SCHIP1: variants seen among roughly 807,000 people sequenced by gnomAD.
SCHIP1 encodes schwannomin-interacting protein 1.
A neutral mutation model predicts 29.7 loss-of-function variants in SCHIP1; 8 were observed. The observed-to-expected ratio is 0.27, with a 90% CI of 0.16 to 0.49. SCHIP1 has a LOEUF of 0.49. Among genes scored for constraint, SCHIP1 ranks in the 20% least tolerant of loss-of-function variants. The pLI, the probability that SCHIP1 is intolerant of heterozygous loss-of-function variation, is 0.99. For synonymous variants in SCHIP1, 76 were observed against 94.9 expected (o/e 0.80, Z 1.16); for missense variants, 193 against 294.6 (o/e 0.66, Z 2.52).
At chr3:159,800,650 T>C in the SCHIP1 span, among the ~76,000 whole-genome samples, 3 of 149,846 alleles carry the variant, frequency 2.0e-5, no homozygotes, top group Non-Finnish European at 3.0e-5. Flanking sequence ...CCTAGTGACA[T>C]AAGGAAAAGC....
At chr3:159,588,311 A>G in the SCHIP1 span, among the ~76,000 whole-genome samples, 30,953 of 151,622 alleles carry the variant, frequency 0.2, 8,582 homozygotes, top group African/African-American at 0.63. Flanking sequence ...CTTTTGAATG[A>G]GGTTGTTTTT....
chr3:159,485,223 C>G, the SCHIP1 span, among the ~76,000 whole-genome samples: 1 of 152,160 alleles, frequency 6.6e-6, no homozygotes. Context: ...GAGGATGAGA[C>G]AAGCTCAGGA....
At chr3:159,465,140 C>G in the SCHIP1 span, among the ~76,000 whole-genome samples, 1 of 152,086 alleles carries the variant, frequency 6.6e-6, no homozygotes, top group African/African-American at 2.4e-5. Flanking sequence ...CAAATTTTTG[C>G]TCACTGTCAG....
chr3:159,588,527 G>T, the SCHIP1 span, among the ~76,000 whole-genome samples: 3 of 152,202 alleles, frequency 2.0e-5, no homozygotes, highest in East Asian at 3.8e-4. Flanking sequence ...TTTTAGACAT[G>T]AAGTCCTTGC....
chr3:159,717,105 A>G, the SCHIP1 span, among the ~76,000 whole-genome samples: 1 of 152,240 alleles, frequency 6.6e-6, no homozygotes, highest in African/African-American at 2.4e-5. Flanking sequence ...ACTCATGGAA[A>G]CTGAACAACC....
At chr3:159,480,850 C>T in the SCHIP1 span, among the ~76,000 whole-genome samples, 3 of 152,120 alleles carry the variant, frequency 2.0e-5, no homozygotes, top group African/African-American at 7.2e-5. Flanking sequence ...AGCAACAAGG[C>T]TGTTTATTTC....
chr3:159,662,206 A>G, the SCHIP1 span, among the ~76,000 whole-genome samples: 19,305 of 152,144 alleles, frequency 0.13, 3,421 homozygotes, highest in African/African-American at 0.4. Flanking sequence ...TAGACTATGC[A>G]GTCCAACCCT....
At chr3:159,619,761 G>C in the SCHIP1 span, among the ~76,000 whole-genome samples, 1 of 152,152 alleles carries the variant, frequency 6.6e-6, no homozygotes, top group Non-Finnish European at 1.5e-5. Context: ...GTGAACTGTT[G>C]TGGTTTGCTT....
At chr3:159,628,646 C>G in the SCHIP1 span, among the ~76,000 whole-genome samples, 2 of 151,994 alleles carry the variant, frequency 1.3e-5, no homozygotes, top group Non-Finnish European at 2.9e-5. Flanking sequence ...TATGAGAACC[C>G]AAAGGTATAC....
chr3:159,880,819 A>ATT (rs1716361277), intron 2 of SCHIP1, among the ~76,000 whole-genome samples: 1 of 152,204 alleles, frequency 6.6e-6, no homozygotes, highest in Admixed American at 6.5e-5. Context: ...ATTTATAGTC[A>ATT]TTGTGTGTGT....
chr3:159,403,075 A>C, the SCHIP1 span, among the ~76,000 whole-genome samples: 1 of 152,222 alleles, frequency 6.6e-6, no homozygotes, highest in Non-Finnish European at 1.5e-5. Flanking sequence ...TCTGAAACTG[A>C]CAAAAGCTCA....
chr3:159,522,353 T>C, the SCHIP1 span, among the ~76,000 whole-genome samples: 1 of 152,234 alleles, frequency 6.6e-6, no homozygotes, highest in African/African-American at 2.4e-5. Flanking sequence ...AATAGAGTTC[T>C]TGTAAAGCAT....
intron 2 of SCHIP1, among the ~76,000 whole-genome samples, chr3:159,868,419 C>T (rs971283575): frequency 2.0e-5 from 3 of 152,056 alleles, no homozygotes; most frequent in African/African-American, 7.2e-5. Flanking sequence ...CAAAGACTGT[C>T]ATCTCTTCTA....
chr3:159,375,875 G>A, the SCHIP1 span: 2 of 391,050 alleles, frequency 5.1e-6, no homozygotes, highest in South Asian at 2.1e-4. Flanking sequence ...AAAACTTGGA[G>A]GAAATTTAGA....
the SCHIP1 span, among the ~76,000 whole-genome samples, chr3:159,723,446 G>C: frequency 5.9e-5 from 9 of 152,212 alleles, no homozygotes; most frequent in African/African-American, 1.9e-4. Flanking sequence ...TTATTAAGTA[G>C]TCTTCTATAA....
At chr3:159,358,814 G>A in the SCHIP1 span, among the ~76,000 whole-genome samples, 3 of 151,832 alleles carry the variant, frequency 2.0e-5, no homozygotes, top group Admixed American at 6.6e-5. Flanking sequence ...TGACTGGGAC[G>A]TGCTTAGGCT....
chr3:159,806,044 A>G, the SCHIP1 span, among the ~76,000 whole-genome samples: 1 of 152,150 alleles, frequency 6.6e-6, no homozygotes, highest in African/African-American at 2.4e-5. Flanking sequence ...TCCTGACCTC[A>G]GGTGATCCAC....
chr3:159,313,985 G>T, the SCHIP1 span, among the ~76,000 whole-genome samples: 57 of 152,284 alleles, frequency 3.7e-4, no homozygotes, highest in African/African-American at 1.4e-3. Flanking sequence ...GTCATATAAG[G>T]AGCCACATGA....
chr3:159,521,062 C>A, the SCHIP1 span, among the ~76,000 whole-genome samples: 1 of 152,092 alleles, frequency 6.6e-6, no homozygotes, highest in Non-Finnish European at 1.5e-5. Context: ...GAAAATATTG[C>A]CAACTTGCTT....
Sources: gnomAD v4.1 joint callset for allele counts (sites outside exome capture counted in the v4.1 genomes callset) on GRCh38, gnomAD v4.1.1 for gene constraint, MANE v1.5 for transcripts, NCBI Gene and HGNC (gene_info 2026-07-23, HGNC 2026-07-21) for gene names.